The following LRRTM4 variants were observed in gnomAD, a reference collection of about 807,000 sequenced individuals.
LRRTM4 encodes leucine-rich repeat transmembrane neuronal protein 4.
In LRRTM4, 25 loss-of-function variants were observed where a neutral mutation model predicts 47.6. The ratio of observed to expected loss-of-function variants is 0.53; its 90% CI spans 0.38 to 0.73. The LOEUF is 0.73. Ranked by LOEUF, LRRTM4 falls within the 30% of genes least tolerant of loss-of-function variation. LRRTM4 has a pLI of 0.00. For missense variants in LRRTM4, 638 were observed against 713.4 expected, an observed-to-expected ratio of 0.89 and a Z score of 1.20; for synonymous variants, 311 against 269.5, an observed-to-expected ratio of 1.15 and a Z score of -1.51.
At chr2:77,491,520 C>G (rs1922814) in intron 3 of LRRTM4, among the ~76,000 whole-genome samples, 41,121 of 151,612 alleles carry the variant, frequency 0.27, 5,929 homozygotes, top group East Asian at 0.56. Context: ...CAACATCCAG[C>G]AAATAAATTA....
intron 3 of LRRTM4, among the ~76,000 whole-genome samples, chr2:77,359,609 A>G (rs545895214): frequency 6.6e-6 from 1 of 152,222 alleles, no homozygotes; most frequent in Non-Finnish European, 1.5e-5. Context: ...AAGGTTTTTC[A>G]GTCCTTCTGC....
intron 3 of LRRTM4, among the ~76,000 whole-genome samples, chr2:77,056,624 T>C (rs1679618208): frequency 6.6e-6 from 1 of 152,208 alleles, no homozygotes; most frequent in South Asian, 2.1e-4. Flanking sequence ...CAGTAAAAGA[T>C]GTGAAACTCA....
intron 3 of LRRTM4, among the ~76,000 whole-genome samples, chr2:76,784,831 A>G (rs1236769259): frequency 1.3e-5 from 2 of 152,058 alleles, no homozygotes; most frequent in Non-Finnish European, 2.9e-5. Flanking sequence ...TACTAAATAT[A>G]CCTTAAAGGA....
chr2:77,480,830 A>T (rs62162639), intron 3 of LRRTM4, among the ~76,000 whole-genome samples: 32,734 of 82,582 alleles, frequency 0.4, 4,508 homozygotes, highest in Non-Finnish European at 0.44. Context: ...GTGGAGAGAG[A>T]GAGAGAGAGA....
At chr2:77,294,290 A>C (rs1676910293) in intron 3 of LRRTM4, among the ~76,000 whole-genome samples, 1 of 151,880 alleles carries the variant, frequency 6.6e-6, no homozygotes. Context: ...TGGAACATTG[A>C]TTTTCAGTTA....
At chr2:77,406,531 G>A (rs1674194449) in intron 3 of LRRTM4, among the ~76,000 whole-genome samples, 1 of 151,960 alleles carries the variant, frequency 6.6e-6, no homozygotes, top group Non-Finnish European at 1.5e-5. Flanking sequence ...TGAACGCCTG[G>A]GTTCAAGTTA....
intron 3 of LRRTM4, among the ~76,000 whole-genome samples, chr2:77,003,038 C>T (rs1677490238): frequency 6.6e-6 from 1 of 151,956 alleles, no homozygotes; most frequent in African/African-American, 2.4e-5. Context: ...TGACATATAG[C>T]CATATAGTGG....
intron 3 of LRRTM4, among the ~76,000 whole-genome samples, chr2:77,321,078 A>C (rs1340414256): frequency 6.6e-6 from 1 of 152,142 alleles, no homozygotes; most frequent in Non-Finnish European, 1.5e-5. Context: ...TTTTTTAAAA[A>C]AAGGACAAAA....
At chr2:77,125,433 C>A (rs922950241) in intron 3 of LRRTM4, among the ~76,000 whole-genome samples, 2 of 152,138 alleles carry the variant, frequency 1.3e-5, no homozygotes, top group Non-Finnish European at 2.9e-5. Flanking sequence ...TGAAGACTGG[C>A]ATGCATTTGA....
At chr2:77,152,926 G>GA (rs1292930248) in intron 3 of LRRTM4, among the ~76,000 whole-genome samples, 2 of 152,008 alleles carry the variant, frequency 1.3e-5, no homozygotes, top group Non-Finnish European at 2.9e-5. Flanking sequence ...AAATTCTTAA[G>GA]ATTTTTTGCA....
chr2:76,835,051 A>G (rs1191389079), intron 3 of LRRTM4, among the ~76,000 whole-genome samples: 2 of 152,272 alleles, frequency 1.3e-5, no homozygotes, highest in East Asian at 3.9e-4. Flanking sequence ...GACCAATAGC[A>G]TCCGAACATT....
chr2:77,303,745 A>T (rs1297323793), intron 3 of LRRTM4, among the ~76,000 whole-genome samples: 1 of 152,170 alleles, frequency 6.6e-6, no homozygotes, highest in African/African-American at 2.4e-5. Context: ...CATGTAATAT[A>T]ATGTTCTCCA....
intron 3 of LRRTM4, among the ~76,000 whole-genome samples, chr2:77,444,230 C>T (rs568479037): frequency 8.5e-5 from 13 of 152,110 alleles, no homozygotes; most frequent in African/African-American, 3.1e-4. Context: ...GGATAGATAC[C>T]GAATATATTG....
At chr2:77,130,824 ATTTTTT>A (rs768577274) in intron 3 of LRRTM4, among the ~76,000 whole-genome samples, 27 of 35,630 alleles carry the variant, frequency 7.6e-4, no homozygotes, top group African/African-American at 2.6e-3. Flanking sequence ...TATTTGTTCT[ATTTTTT>A]TTTTTTTTTT....
At chr2:77,225,329 G>A (rs1172211517) in intron 3 of LRRTM4, among the ~76,000 whole-genome samples, 4 of 150,300 alleles carry the variant, frequency 2.7e-5, no homozygotes, top group African/African-American at 7.4e-5. Flanking sequence ...AAACCTGCAC[G>A]TTGTGCACAT....
chr2:77,452,985 T>C (rs922980213), intron 3 of LRRTM4, among the ~76,000 whole-genome samples: 1 of 152,120 alleles, frequency 6.6e-6, no homozygotes, highest in Non-Finnish European at 1.5e-5. Context: ...TAAACTTATA[T>C]AAAAATACTC....
At chr2:77,250,218 T>TATC (rs1443230969) in intron 3 of LRRTM4, among the ~76,000 whole-genome samples, 1 of 152,180 alleles carries the variant, frequency 6.6e-6, no homozygotes, top group Non-Finnish European at 1.5e-5. Context: ...GCAGTGAAAC[T>TATC]ATCACGTCAT....
At chr2:76,783,106 C>T (rs1674488497) in intron 3 of LRRTM4, among the ~76,000 whole-genome samples, 1 of 152,068 alleles carries the variant, frequency 6.6e-6, no homozygotes, top group Admixed American at 6.6e-5. Context: ...GCATTAGTTA[C>T]AAAATTATCA....
chr2:76,789,547 G>C (rs1195722325), intron 3 of LRRTM4, among the ~76,000 whole-genome samples: 4 of 152,120 alleles, frequency 2.6e-5, no homozygotes, highest in Admixed American at 2.6e-4. Flanking sequence ...AGGTCCTGTG[G>C]CACCAGCCAC....
Sources: allele counts gnomAD v4.1 joint callset (sites outside exome capture counted in the v4.1 genomes callset), GRCh38; gene constraint gnomAD v4.1.1; transcripts MANE v1.5; gene names NCBI Gene and HGNC (gene_info 2026-07-23, HGNC 2026-07-21).